The following ZFAND3 variants were observed in gnomAD, a reference collection of about 807,000 sequenced individuals.
ZFAND3 encodes zinc finger AN1-type containing 3.
A neutral mutation model predicts 29.6 loss-of-function variants in ZFAND3; 10 were observed. The ratio of observed to expected loss-of-function variants is 0.34; its 90% confidence interval spans 0.21 to 0.57. The LOEUF (loss-of-function observed/expected upper bound fraction) is 0.57, where lower values mean the gene tolerates loss of function less well. Among genes scored for constraint, ZFAND3 ranks in the 20% least tolerant of loss-of-function variants. The pLI is 0.86. For missense variants in ZFAND3, 230 were observed against 304.5 expected (o/e 0.76, Z 1.82); for synonymous variants, 128 against 112.6 (o/e 1.14, Z -0.87).
At chr6:37,852,353 C>T (rs1225526055) in intron 1 of ZFAND3, among the ~76,000 whole-genome samples, 1 of 152,184 alleles carries the variant, frequency 6.6e-6, no homozygotes, top group East Asian at 1.9e-4. Context: ...GTGTACAGGA[C>T]ATCCTCCACA....
rs572721832 is a variant in ZFAND3, at chr6:37,957,999, C to T, written c.112+28000C>T. On this transcript the variant is annotated intron_variant, in intron 2 of 5. Coordinates refer to ENST00000287218, the MANE Select transcript of ZFAND3 (RefSeq NM_021943.3). ...AGGGACTGGACCAGATCAATGAGAT[C>T]AATAACAAAGGTAAATTTGGATTTT... Among the ~76,000 whole-genome samples, 3 of 152,034 alleles carry T rather than the reference C, an allele frequency of 2.0e-5. No individual in the cohort carries two copies. In the South Asian group the frequency reaches 6.2e-4, roughly 32 times the overall value.
intron 2 of ZFAND3, among the ~76,000 whole-genome samples, chr6:38,012,506 G>C (rs1289893086): frequency 6.6e-6 from 1 of 151,632 alleles, no homozygotes; most frequent in African/African-American, 2.4e-5. Context: ...AGCTTCCCGA[G>C]TAGCTGGGAC....
intron 2 of ZFAND3, among the ~76,000 whole-genome samples, chr6:38,017,961 A>G (rs1020744917): frequency 6.6e-6 from 1 of 152,158 alleles, no homozygotes; most frequent in East Asian, 1.9e-4. Context: ...CCAGAAAACT[A>G]CTTATAATTT....
intron 4 of ZFAND3, among the ~76,000 whole-genome samples, chr6:38,095,120 A>T (rs944627673): frequency 3.9e-5 from 6 of 152,212 alleles, no homozygotes; most frequent in African/African-American, 9.6e-5. Context: ...ATGACTCTGT[A>T]AACGTTCCCT....
chr6:38,016,587 TA>T (rs1763256510), intron 2 of ZFAND3, among the ~76,000 whole-genome samples: 1 of 152,208 alleles, frequency 6.6e-6, no homozygotes, highest in South Asian at 2.1e-4. Context: ...AAAGCTCCTT[TA>T]AAAATAGGTT....
At chr6:37,860,132 A>C (rs533049645) in intron 1 of ZFAND3, among the ~76,000 whole-genome samples, 144 of 150,410 alleles carry the variant, frequency 9.6e-4, no homozygotes, top group African/African-American at 3.3e-3. Context: ...CGGCCTCCCA[A>C]AGTGCTGGGA....
chr6:38,070,896 A>G (rs1047529425), intron 3 of ZFAND3, among the ~76,000 whole-genome samples: 1 of 151,924 alleles, frequency 6.6e-6, no homozygotes, highest in Admixed American at 6.6e-5. Flanking sequence ...GCAAAAGAAT[A>G]GCTCATTTTA....
At chr6:37,926,071 G>A (rs1561936456) in intron 1 of ZFAND3, among the ~76,000 whole-genome samples, 1 of 152,174 alleles carries the variant, frequency 6.6e-6, no homozygotes, top group South Asian at 2.1e-4. Context: ...TAGCAAAGGT[G>A]GCTAAATGGG....
intron 2 of ZFAND3, among the ~76,000 whole-genome samples, chr6:38,040,754 C>G (rs1443578931): frequency 6.6e-6 from 1 of 152,146 alleles, no homozygotes; most frequent in Non-Finnish European, 1.5e-5. Flanking sequence ...TGAGCATAAG[C>G]TGAAGACATC....
intron 2 of ZFAND3, among the ~76,000 whole-genome samples, chr6:38,056,236 G>A (rs911192421): frequency 1.3e-5 from 2 of 152,068 alleles, no homozygotes; most frequent in African/African-American, 2.4e-5. Flanking sequence ...ATGAGACCAC[G>A]TACTCATTAG....
intron 4 of ZFAND3, among the ~76,000 whole-genome samples, chr6:38,113,925 G>C (rs1765367109): frequency 6.6e-6 from 1 of 152,232 alleles, no homozygotes; most frequent in Admixed American, 6.5e-5. Flanking sequence ...TGTAGAAAGA[G>C]CTCTAAATGT....
At chr6:37,885,037 C>T (rs1227457668) in intron 1 of ZFAND3, among the ~76,000 whole-genome samples, 2 of 152,166 alleles carry the variant, frequency 1.3e-5, no homozygotes, top group Non-Finnish European at 2.9e-5. Flanking sequence ...CCTCTTTCTT[C>T]CAACAGTACC....
chr6:38,085,424 A>T (rs1380450400), intron 4 of ZFAND3, among the ~76,000 whole-genome samples: 1 of 152,196 alleles, frequency 6.6e-6, no homozygotes, highest in African/African-American at 2.4e-5. Context: ...TAGAACAAGG[A>T]TACTGAGATT....
At chr6:37,939,497 T>C (rs1761774578) in intron 2 of ZFAND3, among the ~76,000 whole-genome samples, 1 of 152,196 alleles carries the variant, frequency 6.6e-6, no homozygotes, top group South Asian at 2.1e-4. Context: ...TTTCCCAAAA[T>C]TATCACATTC....
intron 1 of ZFAND3, among the ~76,000 whole-genome samples, chr6:37,915,932 G>A (rs1394004531): frequency 2.6e-5 from 4 of 152,026 alleles, no homozygotes; most frequent in Non-Finnish European, 5.9e-5. Flanking sequence ...ACCACGCCCA[G>A]CTAATTTTTT....
At chr6:37,941,879 C>T (rs778950843) in intron 2 of ZFAND3, among the ~76,000 whole-genome samples, 3 of 152,108 alleles carry the variant, frequency 2.0e-5, no homozygotes, top group Admixed American at 6.5e-5. Flanking sequence ...TATGGAAAAG[C>T]CTGTCCTTTG....
At chr6:37,833,140 G>C (rs1016611264) in intron 1 of ZFAND3, 1 of 152,174 alleles carries the variant, frequency 6.6e-6, no homozygotes, top group Non-Finnish European at 1.5e-5. Context: ...GAACTCCTGG[G>C]CTCAAGCAGT....
At chr6:37,867,654 T>G (rs1412354601) in intron 1 of ZFAND3, among the ~76,000 whole-genome samples, 3 of 152,192 alleles carry the variant, frequency 2.0e-5, no homozygotes, top group Non-Finnish European at 4.4e-5. Context: ...AATAACTGTT[T>G]GCATATTTTA....
At chr6:37,872,349 G>A (rs1031027190) in intron 1 of ZFAND3, among the ~76,000 whole-genome samples, 1 of 152,158 alleles carries the variant, frequency 6.6e-6, no homozygotes, top group Non-Finnish European at 1.5e-5. Context: ...TGGTTTTTAC[G>A]TATGGAACAG....
Sources: allele counts gnomAD v4.1 joint callset (sites outside exome capture counted in the v4.1 genomes callset), GRCh38; gene constraint gnomAD v4.1.1; transcripts MANE v1.5; gene names NCBI Gene and HGNC (gene_info 2026-07-23, HGNC 2026-07-21).